The following CACNA1B variants were observed in gnomAD, a reference collection of about 807,000 sequenced individuals.
The protein encoded by CACNA1B is voltage-dependent N-type calcium channel subunit alpha-1B.
A neutral mutation model predicts 247.2 loss-of-function variants in CACNA1B; 70 were observed. The ratio of observed to expected loss-of-function variants is 0.28; its 90% confidence interval spans 0.23 to 0.35. The LOEUF is 0.35. CACNA1B is among the 10% of genes least tolerant of loss of function. The probability of loss-of-function intolerance (pLI) is 1.00; values close to 1 mark genes in which losing one functional copy is unlikely to be tolerated. For missense variants in CACNA1B, 2,367 were observed against 3,197.4 expected, an observed-to-expected ratio of 0.74 and a Z score of 6.26; for synonymous variants, 1,231 against 1,294.4, an observed-to-expected ratio of 0.95 and a Z score of 1.05.
intron 35 of CACNA1B, among the ~76,000 whole-genome samples, chr9:138,076,113 T>G (rs1010724424): frequency 5.9e-5 from 9 of 152,134 alleles, no homozygotes; most frequent in Admixed American, 5.2e-4. Flanking sequence ...TGCCCCAGTC[T>G]CAGAACAGGC....
intron 39 of CACNA1B, among the ~76,000 whole-genome samples, chr9:138,106,826 C>T (rs925452163): frequency 6.6e-6 from 1 of 152,198 alleles, no homozygotes; most frequent in Admixed American, 6.5e-5. Flanking sequence ...TTCTAATGCC[C>T]TGCTCTTGAG....
rs1003565040 is a variant in CACNA1B, at chr9:138,050,229, C to T, written c.3710+914C>T. The T allele has an allele frequency of 3.0e-5, 17 of 560,322 alleles. No individual in the cohort carries two copies. The highest frequency in any genetic ancestry group is 9.6e-5 in the African/African-American group (5 of 51,994). The allele number at this position is 560,322 out of a possible 1,614,324, so 34.7% of individuals were successfully genotyped here. ...TGCATGCTGCCGGGAGCCAAGTCCCCGGCCAGGGGTTCCTGCCATGCCTCT... is the reference window on the plus strand; with the variant it reads ...TGCATGCTGCCGGGAGCCAAGTCCCTGGCCAGGGGTTCCTGCCATGCCTCT... On this transcript the variant is annotated intron_variant, in intron 24 of 46. Coordinates refer to ENST00000371372, the MANE Select transcript of CACNA1B (RefSeq NM_000718.4). The surrounding 1 kb of genome is among the most constrained non-coding windows in gnomAD (Gnocchi z 5.2).
chr9:138,103,464 G>A (rs72769100), intron 38 of CACNA1B, among the ~76,000 whole-genome samples: 3,341 of 152,262 alleles, frequency 0.022, 55 homozygotes, highest in Non-Finnish European at 0.037. Flanking sequence ...GGATGGGGAT[G>A]GCCTCGGGGC....
At chr9:137,889,189 T>A (rs1168484053) in intron 3 of CACNA1B, among the ~76,000 whole-genome samples, 1 of 150,372 alleles carries the variant, frequency 6.7e-6, no homozygotes, top group Non-Finnish European at 1.5e-5. Flanking sequence ...CGTTGGAGCA[T>A]GGACCGAGCT....
Position 137,950,146 on chromosome 9 carries a change from G to A in CACNA1B, c.967-2128G>A, listed in dbSNP as rs1017291753. On this transcript the variant is annotated intron_variant, in intron 6 of 46. Coordinates refer to ENST00000371372, the MANE Select transcript of CACNA1B (RefSeq NM_000718.4). The surrounding 1 kb of genome is among the most constrained non-coding windows in gnomAD (Gnocchi z 4.8). ...TTGGCATCTGTTGACTTATGGTAGC[G>A]TGTTCTCCTTACTGCTGGGCGGGGG... Among the ~76,000 whole-genome samples the A allele has an allele frequency of 6.6e-6, 1 of 152,316 alleles. No homozygotes were observed. Among genetic ancestry groups the A allele is most frequent in the Admixed American group, 6.5e-5 (1 of 15,308 alleles).
rs1388511536 is a variant in CACNA1B at position 137,880,994 on chromosome 9, C to G, written c.391-1750C>G. ...CACCCATCCCTCCCACCTAAGCCAG[C>G]CTTCAGCCATGGGCTGGGCAGGGCA... On this transcript the variant is annotated intron_variant, in intron 2 of 46. Transcript: ENST00000371372. The surrounding 1 kb of genome is among the most constrained non-coding windows in gnomAD (Gnocchi z 4.8). Among the ~76,000 whole-genome samples the G allele has an allele frequency of 6.6e-6, 1 of 152,252 alleles. No individual in the cohort carries two copies. The highest frequency in any genetic ancestry group is 1.9e-4 in the East Asian group (1 of 5,186).
chr9:138,008,290 C>G (rs1040001175), intron 16 of CACNA1B, among the ~76,000 whole-genome samples: 1 of 152,230 alleles, frequency 6.6e-6, no homozygotes, highest in Admixed American at 6.5e-5. Context: ...TTCACCACAG[C>G]TGAGTCTGAC....
rs10867085 is a variant in CACNA1B at position 137,888,307 on chromosome 9, G to T, written c.530+5424G>T. Among the ~76,000 whole-genome samples the T allele has an allele frequency of 6.6e-6, 1 of 151,486 alleles. No individual in the cohort carries two copies. The highest frequency in any genetic ancestry group is 2.1e-4 in the South Asian group (1 of 4,814). ...CCTTCCGTGCCCCAGCCAGTCTCAC[G>T]TGCATCCACGCTCCCAGTCCTGTCC... On this transcript the variant is annotated intron_variant, in intron 3 of 46. Coordinates refer to ENST00000371372, the MANE Select transcript of CACNA1B (RefSeq NM_000718.4). This position sits in a 1 kb window ranked among gnomAD's most constrained non-coding sequence, Gnocchi z 4.7.
chr9:138,048,344 G>A (rs1219244034), intron 23 of CACNA1B, among the ~76,000 whole-genome samples: 3 of 152,200 alleles, frequency 2.0e-5, no homozygotes, highest in African/African-American at 7.2e-5. Context: ...CGAGCTCTGA[G>A]CTCCCTGGGG....
At chr9:137,965,826 G>T (rs757811464) in intron 10 of CACNA1B, among the ~76,000 whole-genome samples, 1 of 152,096 alleles carries the variant, frequency 6.6e-6, no homozygotes, top group African/African-American at 2.4e-5. Context: ...CTCATGATCC[G>T]CCCGCCTTGG....
intron 6 of CACNA1B, among the ~76,000 whole-genome samples, chr9:137,924,207 T>A (rs1394033015): frequency 2.0e-5 from 3 of 152,196 alleles, no homozygotes; most frequent in Non-Finnish European, 4.4e-5. Context: ...AGATTTTCTT[T>A]TTTTTTTTCT....
At chr9:138,017,345 G>A (rs1385649988) in intron 18 of CACNA1B, 4 of 426,086 alleles carry the variant, frequency 9.4e-6, no homozygotes, top group Middle Eastern at 3.6e-4. Flanking sequence ...TGGCCTGAGC[G>A]GGGAATGGTG....
At position 137,880,280 on chromosome 9, in the gene CACNA1B, C is replaced by T. The variant is rs1022371091; in HGVS notation, c.390+1121C>T. ...AGCACAGTCTGGAATGCCCAGTGGT[C>T]TGGGTTACGGCCGGGTGAGGAGGAG... On this transcript the variant is annotated intron_variant, in intron 2 of 46. Coordinates refer to ENST00000371372, the MANE Select transcript of CACNA1B (RefSeq NM_000718.4). The surrounding 1 kb of genome is among the most constrained non-coding windows in gnomAD (Gnocchi z 4.8). Among the ~76,000 whole-genome samples, 2 of 152,096 alleles carry T rather than the reference C, an allele frequency of 1.3e-5. No homozygotes were observed. Among genetic ancestry groups the T allele is most frequent in the Admixed American group, 1.3e-4 (2 of 15,280 alleles).
Position 137,986,392 on chromosome 9 carries a change from A to AC in CACNA1B, c.1770-16dup, listed in dbSNP as rs1958361996. ...AAGTCAGCGTCTGGAGCTGGCTCAG[A>AC]CCCCCTGCCTGGCCCCGCAGGTACT... On this transcript the variant is annotated intron_variant, in intron 13 of 46. Coordinates refer to ENST00000371372, the MANE Select transcript of CACNA1B (RefSeq NM_000718.4). The surrounding 1 kb of genome is among the most constrained non-coding windows in gnomAD (Gnocchi z 6.0). 6.2e-7 allele frequency: 1 copy of AC among 1,612,596 alleles called. No homozygotes were observed. Among genetic ancestry groups the AC allele is most frequent in the African/African-American group, 1.3e-5 (1 of 74,930 alleles).
At chr9:138,034,322 A>G (rs1959018212) in intron 20 of CACNA1B, among the ~76,000 whole-genome samples, 1 of 151,898 alleles carries the variant, frequency 6.6e-6, no homozygotes, top group Non-Finnish European at 1.5e-5. Flanking sequence ...CTAGATAGGG[A>G]TGAAAGTCCC....
Position 138,120,571 on chromosome 9 carries a change from G to A in CACNA1B, c.6239-60G>A, listed in dbSNP as rs986929003. 1.5e-5 allele frequency: 22 copies of A among 1,455,626 alleles called. No individual in the cohort carries two copies. The East Asian group carries it at 2.0e-4, about 13-fold the overall frequency. 90.2% of individuals were successfully genotyped at this position (1,455,626 alleles called of 1,614,324 possible). Reference sequence around the variant, plus strand: ...ACCTGAATTCTGTCCTGCTGGGCCCGGGGGTCAGGGGTCCCTGCCTTGGGC... The same window carrying A: ...ACCTGAATTCTGTCCTGCTGGGCCCAGGGGTCAGGGGTCCCTGCCTTGGGC... On this transcript the variant is annotated intron_variant, in intron 45 of 46. Transcript: ENST00000371372.
intron 6 of CACNA1B, among the ~76,000 whole-genome samples, chr9:137,946,697 G>C (rs1192354167): frequency 6.6e-6 from 1 of 152,194 alleles, no homozygotes; most frequent in East Asian, 1.9e-4. Context: ...TCTCTCCGTA[G>C]AGTGGCCCCA....
At chr9:138,001,449 C>T (rs371485181) in intron 15 of CACNA1B, among the ~76,000 whole-genome samples, 13 of 108,870 alleles carry the variant, frequency 1.2e-4, no homozygotes, top group African/African-American at 5.6e-4. Context: ...TTTAAATGGG[C>T]GAATTATATC....
In CACNA1B at chr9:138,111,549, C is replaced by T. The variant is rs192824732; in HGVS notation, c.5429-849C>T. 8.3e-4 allele frequency among the ~76,000 whole-genome samples: 127 copies of T among 152,334 alleles called. 2 individuals are homozygous for T. Among genetic ancestry groups the T allele is most frequent in the African/African-American group, 2.4e-3 (98 of 41,564 alleles). ...AATTTGGGAGTGATCAGCTGTTGCA[C>T]ACCTTGACGGTGCTGCTAGGCACAT... On this transcript the variant is annotated intron_variant, in intron 39 of 46. Transcript: ENST00000371372.
Sources: allele counts gnomAD v4.1 joint callset (sites outside exome capture counted in the v4.1 genomes callset), GRCh38; gene constraint gnomAD v4.1.1; non-coding constraint Gnocchi (gnomAD v3.1); transcripts MANE v1.5; gene names NCBI Gene and HGNC (gene_info 2026-07-23, HGNC 2026-07-21).